The following CNTNAP2 variants were observed in gnomAD, a reference collection of about 807,000 sequenced individuals.
CNTNAP2 encodes the protein contactin associated protein 2.
CNTNAP2 carries 98 observed loss-of-function variants against 155.2 expected under a neutral mutation model. The ratio of observed to expected loss-of-function variants is 0.63; its 90% CI spans 0.54 to 0.75. The LOEUF (loss-of-function observed/expected upper bound fraction) is 0.75, where lower values mean the gene tolerates loss of function less well. Among genes scored for constraint, CNTNAP2 ranks in the 30% least tolerant of loss-of-function variants. The pLI is 0.00. For synonymous variants in CNTNAP2, 651 were observed against 631.2 expected (o/e 1.03, Z -0.47); for missense variants, 1,727 against 1,688.1 (o/e 1.02, Z -0.40).
At chr7:146,522,243 T>C (rs1193174533) in intron 1 of CNTNAP2, among the ~76,000 whole-genome samples, 8 of 152,056 alleles carry the variant, frequency 5.3e-5, no homozygotes, top group Non-Finnish European at 1.0e-4. Flanking sequence ...TCTGAGATTG[T>C]GAATTTCCAT....
chr7:146,709,142 AT>A (rs1202456636), intron 1 of CNTNAP2, among the ~76,000 whole-genome samples: 2 of 152,240 alleles, frequency 1.3e-5, no homozygotes, highest in Non-Finnish European at 2.9e-5. Context: ...GTGGATTAAC[AT>A]TTTTTTCCAT....
intron 1 of CNTNAP2, among the ~76,000 whole-genome samples, chr7:146,294,346 G>A (rs559936831): frequency 1.4e-4 from 22 of 152,222 alleles, no homozygotes; most frequent in African/African-American, 5.3e-4. Context: ...GAGACGAAAG[G>A]ATATTTGGAC....
intron 12 of CNTNAP2, among the ~76,000 whole-genome samples, chr7:147,626,098 A>C (rs1180558652): frequency 1.3e-5 from 2 of 152,084 alleles, no homozygotes; most frequent in Admixed American, 1.3e-4. Context: ...GGAAGTAGTC[A>C]CAGTGCAAAG....
chr7:146,644,895 C>T (rs1799783682), intron 1 of CNTNAP2, among the ~76,000 whole-genome samples: 4 of 152,060 alleles, frequency 2.6e-5, no homozygotes, highest in Admixed American at 2.6e-4. Context: ...CGAATTCTAC[C>T]AGAGGTACAA....
intron 13 of CNTNAP2, among the ~76,000 whole-genome samples, chr7:147,873,748 A>G (rs1799374938): frequency 6.6e-6 from 1 of 152,074 alleles, no homozygotes; most frequent in African/African-American, 2.4e-5. Flanking sequence ...TCCAGCATTA[A>G]CTCAAAAGTC....
intron 10 of CNTNAP2, among the ~76,000 whole-genome samples, chr7:147,398,378 C>T (rs1027649248): frequency 1.4e-5 from 2 of 145,254 alleles, no homozygotes; most frequent in East Asian, 2.0e-4. Context: ...CCAGCTTGAT[C>T]GATTTGAGAG....
intron 13 of CNTNAP2, among the ~76,000 whole-genome samples, chr7:147,726,772 C>T (rs966485785): frequency 1.3e-5 from 2 of 151,872 alleles, no homozygotes; most frequent in Non-Finnish European, 2.9e-5. Flanking sequence ...GGATTAGAGA[C>T]AAGTTCTATT....
intron 4 of CNTNAP2, among the ~76,000 whole-genome samples, chr7:147,100,615 C>T (rs975966824): frequency 5.3e-5 from 8 of 152,134 alleles, no homozygotes; most frequent in African/African-American, 1.9e-4. Context: ...TATGTTTAAA[C>T]CATTTATTCA....
intron 4 of CNTNAP2, among the ~76,000 whole-genome samples, chr7:147,064,350 A>G (rs775596748): frequency 1.3e-5 from 2 of 152,200 alleles, no homozygotes; most frequent in African/African-American, 4.8e-5. Flanking sequence ...TAACAGGCAC[A>G]TGCTCTGTAT....
intron 1 of CNTNAP2, among the ~76,000 whole-genome samples, chr7:146,323,764 C>T (rs935433622): frequency 1.3e-5 from 2 of 151,976 alleles, no homozygotes; most frequent in African/African-American, 4.8e-5. Context: ...ATAGCTTGTA[C>T]CTATTCTTAC....
rs1453893496 is a variant in CNTNAP2 at position 148,418,303 on chromosome 7, C to G, written c.*2687C>G. 6.6e-6 allele frequency: 1 copy of G among 152,256 alleles called. No homozygotes were observed. Among genetic ancestry groups the G allele is most frequent in the Non-Finnish European group, 1.5e-5 (1 of 68,058 alleles). 9.4% of individuals were successfully genotyped at this position (152,256 alleles called of 1,614,324 possible). On this transcript the variant is annotated 3_prime_UTR_variant, in exon 24 of 24. Coordinates refer to ENST00000361727, the MANE Select transcript of CNTNAP2 (RefSeq NM_014141.6). ...GTGCAGCCTCCATAACCATGACATT[C>G]CCGCCCAAGCTCTCAGTGCCTAATC... is the stretch of plus-strand genomic sequence containing the variant.
intron 15 of CNTNAP2, among the ~76,000 whole-genome samples, chr7:147,985,030 G>A (rs963595490): frequency 5.3e-5 from 8 of 151,966 alleles, no homozygotes; most frequent in Non-Finnish European, 8.8e-5. Flanking sequence ...CATGAGAATC[G>A]CTTGAACCCA....
intron 10 of CNTNAP2, among the ~76,000 whole-genome samples, chr7:147,402,564 A>G (rs535023104): frequency 2.0e-5 from 3 of 152,294 alleles, no homozygotes; most frequent in Admixed American, 6.5e-5. Flanking sequence ...GTTGGTGACT[A>G]TACACACTAG....
In CNTNAP2 at chr7:147,485,907, T is replaced by A. The variant is rs774617382; in HGVS notation, c.1671-28T>A. ...CATAAATCTCATTTGTTTGTTGGTT[T>A]ATTTCTGTTTGTCTCTCTCTCTGAC... On this transcript the variant is annotated intron_variant, in intron 10 of 23. Coordinates refer to ENST00000361727, the MANE Select transcript of CNTNAP2 (RefSeq NM_014141.6). 5.6e-6 allele frequency: 9 copies of A among 1,608,950 alleles called. No individual in the cohort carries two copies. In the South Asian group the frequency reaches 9.9e-5, roughly 18 times the overall value.
intron 12 of CNTNAP2, among the ~76,000 whole-genome samples, chr7:147,584,649 T>A (rs1372703949): frequency 6.6e-6 from 1 of 151,770 alleles, no homozygotes; most frequent in Non-Finnish European, 1.5e-5. Context: ...GAAAATGTCA[T>A]GTTTAAATCT....
At chr7:148,372,601 G>A (rs1291033442) in intron 21 of CNTNAP2, among the ~76,000 whole-genome samples, 5 of 152,108 alleles carry the variant, frequency 3.3e-5, no homozygotes, top group South Asian at 2.1e-4. Context: ...CCAGCTACTC[G>A]GGAGGCTGAG....
chr7:146,906,355 A>T (rs1480773179), intron 3 of CNTNAP2, among the ~76,000 whole-genome samples: 5 of 152,218 alleles, frequency 3.3e-5, no homozygotes, highest in African/African-American at 4.8e-5. Flanking sequence ...GGCAGGGCAC[A>T]GACAAACAAA....
At chr7:147,345,756 G>A (rs1795843606) in intron 9 of CNTNAP2, among the ~76,000 whole-genome samples, 2 of 152,076 alleles carry the variant, frequency 1.3e-5, no homozygotes, top group Non-Finnish European at 2.9e-5. Context: ...AGTTACTATA[G>A]AGGAACTATA....
At chr7:146,811,043 T>C (rs988673726) in intron 2 of CNTNAP2, among the ~76,000 whole-genome samples, 5 of 152,132 alleles carry the variant, frequency 3.3e-5, no homozygotes, top group Non-Finnish European at 7.4e-5. Flanking sequence ...TTTCAGTGTT[T>C]TGTTGAGGAG....
Sources: gnomAD v4.1 joint callset for allele counts (sites outside exome capture counted in the v4.1 genomes callset) on GRCh38, gnomAD v4.1.1 for gene constraint, MANE v1.5 for transcripts, NCBI Gene and HGNC (gene_info 2026-07-23, HGNC 2026-07-21) for gene names.